NASP: variants seen among roughly 807,000 people sequenced by gnomAD.
NASP encodes nuclear autoantigenic sperm protein, also known as NASP histone chaperone.
In NASP, 24 loss-of-function variants were observed where a neutral mutation model predicts 89.5. The ratio of observed to expected loss-of-function variants is 0.27; its 90% CI spans 0.19 to 0.38. The LOEUF (loss-of-function observed/expected upper bound fraction) is 0.38, where lower values mean the gene tolerates loss of function less well. NASP is among the 10% of genes least tolerant of loss of function. The pLI is 1.00. For synonymous variants in NASP, 306 were observed against 324.7 expected, an observed-to-expected ratio of 0.94 and a Z score of 0.62; for missense variants, 848 against 921.4, an observed-to-expected ratio of 0.92 and a Z score of 1.03.
rs757073847 is a variant in NASP, at chr1:45,608,384, T to G, written c.1426+47T>G. 5.8e-6 allele frequency: 9 copies of G among 1,541,574 alleles called. No homozygotes were observed. In the South Asian group the frequency reaches 1.1e-4, roughly 18 times the overall value. On this transcript the variant is annotated intron_variant, in intron 6 of 14. Transcript: ENST00000350030. Reference sequence around the variant, plus strand: ...TGCAGTGGGTGGAGTACATTCTGGATTTGACTCACTAATTATGGGTAAAAG... The same window carrying G: ...TGCAGTGGGTGGAGTACATTCTGGAGTTGACTCACTAATTATGGGTAAAAG...
At chr1:45,605,367 T>C (rs1163850276) in intron 4 of NASP, among the ~76,000 whole-genome samples, 1 of 152,224 alleles carries the variant, frequency 6.6e-6, no homozygotes, top group African/African-American at 2.4e-5. Flanking sequence ...ATTGAAAAGT[T>C]CTTGGCTATG....
chr1:45,604,202 C>T (rs1465927303), intron 3 of NASP, among the ~76,000 whole-genome samples: 1 of 152,164 alleles, frequency 6.6e-6, no homozygotes, highest in African/African-American at 2.4e-5. Flanking sequence ...TGCATGAATT[C>T]TGCCAGTATT....
At chr1:45,605,100 T>G in intron 4 of NASP, 84 bp downstream of exon 4, 1 of 1,081,586 alleles carries the variant, frequency 9.2e-7, no homozygotes, top group Middle Eastern at 2.1e-4. Flanking sequence ...TAAGCAAGAT[T>G]GGTTTTACCT....
intron 11 of NASP, 123 bp downstream of exon 11, chr1:45,615,594 C>A: frequency 1.1e-6 from 1 of 906,090 alleles, no homozygotes; most frequent in Non-Finnish European, 1.7e-6. Context: ...CTAATTATTC[C>A]TATCAAGTAA....
At chr1:45,596,982 C>T (rs1643712380) in intron 2 of NASP, among the ~76,000 whole-genome samples, 1 of 147,274 alleles carries the variant, frequency 6.8e-6, no homozygotes, top group Non-Finnish European at 1.5e-5. Context: ...GACGCTGTCT[C>T]AAAAAAAAGA....
chr1:45,584,593 T>C (rs1221797620), intron 1 of NASP, among the ~76,000 whole-genome samples: 2 of 138,244 alleles, frequency 1.4e-5, no homozygotes, highest in East Asian at 4.6e-4. Flanking sequence ...AACCCCTGGA[T>C]AACCCGGGAA....
At chr1:45,609,922 T>A (rs1643974265) in intron 6 of NASP, 1 of 152,206 alleles carries the variant, frequency 6.6e-6, no homozygotes, top group South Asian at 2.1e-4. Context: ...TGTCGTGGGC[T>A]GGGCGCAGTA....
chr1:45,586,224 C>T (rs1245134940), intron 1 of NASP, among the ~76,000 whole-genome samples: 1 of 147,524 alleles, frequency 6.8e-6, no homozygotes, highest in African/African-American at 2.5e-5. Context: ...CGGCCCCCTG[C>T]AGCCCCTACC....
chr1:45,599,781 A>G (rs1266010659), intron 2 of NASP, among the ~76,000 whole-genome samples: 2 of 152,088 alleles, frequency 1.3e-5, no homozygotes, highest in Admixed American at 1.3e-4. Context: ...TCTATCTTAA[A>G]GTCTATACTA....
chr1:45,606,820 G>A (rs1049991824), intron 5 of NASP: 5 of 413,962 alleles, frequency 1.2e-5, no homozygotes, highest in Non-Finnish European at 1.3e-5. Context: ...TATTTCGATT[G>A]GGGTTTTTTA....
chr1:45,595,684 A>G (rs946124285), intron 2 of NASP, among the ~76,000 whole-genome samples: 2 of 152,242 alleles, frequency 1.3e-5, no homozygotes, highest in African/African-American at 4.8e-5. Context: ...CTTAACATAA[A>G]TCAAGGCAGT....
At chr1:45,602,146 G>A in intron 2 of NASP, 109 bp from the exon 3 acceptor site, 1 of 1,354,404 alleles carries the variant, frequency 7.4e-7, no homozygotes, top group Non-Finnish European at 9.8e-7. Context: ...GGCCTTGCCA[G>A]AGTAGTCCAA....
intron 1 of NASP, among the ~76,000 whole-genome samples, chr1:45,590,480 C>T (rs2991980): frequency 0.7 from 104,328 of 148,474 alleles, 36,671 homozygotes; most frequent in Non-Finnish European, 0.71. Context: ...ACCCGGGAGG[C>T]GGAGCTTGCA....
intron 13 of NASP, among the ~76,000 whole-genome samples, chr1:45,616,966 T>A (rs1300269595): frequency 1.3e-5 from 2 of 152,170 alleles, no homozygotes; most frequent in East Asian, 3.8e-4. Context: ...TGCCTCAGCT[T>A]CCCAAGTAGC....
intron 6 of NASP, 181 bp downstream of exon 6, chr1:45,608,518 C>T (rs894150412): frequency 1.6e-6 from 1 of 636,814 alleles, no homozygotes; most frequent in Non-Finnish European, 2.7e-6. Flanking sequence ...CAATCAAAAG[C>T]AGCAAGTCTT....
rs11302173 is a variant in NASP, at chr1:45,599,953, ATTTTTTTTTTT to A, written c.108-2290_108-2280del. 2.4e-3 allele frequency among the ~76,000 whole-genome samples: 191 copies of A among 79,098 alleles called. 2 individuals carry two copies. Among genetic ancestry groups the A allele is most frequent in the African/African-American group, 8.8e-3 (174 of 19,770 alleles). The allele number at this position is 79,098 out of a possible 152,430, so 51.9% of individuals were successfully genotyped here. On this transcript the variant is annotated intron_variant, in intron 2 of 14. Transcript: ENST00000350030. ...CTGTCCTAGAGTGCTTTTCCTCTGT[ATTTTTTTTTTT>A]TTTTTTTTTTTGGCTTGCCTTCTTA...
At position 45,616,382 on chromosome 1, in the gene NASP, T is replaced by A; in HGVS notation, c.2068T>A (p.Ser690Thr). Residue 690 changes from serine to threonine, a missense_variant, in exon 12 of 15, where the codon TCA (serine) becomes ACA (threonine). Around this residue, in one of 5 missense-constraint regions of NASP, gnomAD observed 218 missense variants for 219.6 expected, o/e 0.99. Transcript: ENST00000350030. ...TTTCACTCCTGGTGGAGGAGGCTCT[T>A]CAGTCTCCATGGTGCGTATTCAGGT... ...SGFTPGGGGS[S>T]VSMIASRKPT... The A allele has an allele frequency of 6.2e-7, 1 of 1,614,104 alleles. No homozygotes were observed. Among genetic ancestry groups the A allele is most frequent in the Non-Finnish European group, 8.5e-7 (1 of 1,179,928 alleles).
rs768925875 is a variant in NASP at position 45,614,196 on chromosome 1, G to A, written c.1592+15G>A. 1 of 1,604,710 alleles carries A rather than the reference G, an allele frequency of 6.2e-7. No individual in the cohort carries two copies. Among genetic ancestry groups the A allele is most frequent in the South Asian group, 1.1e-5 (1 of 90,886 alleles). On this transcript the variant is annotated intron_variant, in intron 8 of 14. Coordinates refer to ENST00000350030, the MANE Select transcript of NASP (RefSeq NM_002482.4). ...ATTTTTAAAAGGTAAAACTCTTGGT[G>A]CTTCTAGGCTTGGGTTGGGAGTTTG...
chr1:45,585,119 C>A lies in NASP; in HGVS notation c.59+914C>A, dbSNP rs1445702531. Reference sequence around the variant, plus strand: ...AAACAAGATAGGATTGTTTTGAAAGCGGCACAGTGCCACTCAGGCGTAATC... The same window carrying A: ...AAACAAGATAGGATTGTTTTGAAAGAGGCACAGTGCCACTCAGGCGTAATC... On this transcript the variant is annotated intron_variant, in intron 1 of 14. Transcript: ENST00000350030. Among the ~76,000 whole-genome samples the A allele has an allele frequency of 3.3e-5, 5 of 152,296 alleles. No homozygotes were observed. The South Asian group carries it at 1.0e-3, about 32-fold the overall frequency.
Sources: gnomAD v4.1 joint callset for allele counts (sites outside exome capture counted in the v4.1 genomes callset) on GRCh38, gnomAD v4.1.1 for gene constraint, gnomAD v4.1.1 regional missense constraint, MANE v1.5 for transcripts, NCBI Gene and HGNC (gene_info 2026-07-23, HGNC 2026-07-21) for gene names.